Variants in AVEN observed in about 807,000 individuals in gnomAD.
AVEN encodes cell death regulator Aven.
Under a neutral mutation model 38.1 loss-of-function variants are expected in AVEN, and 41 were observed. That is an observed-to-expected ratio of 1.08 (90% CI 0.84 to 1.40). AVEN has a LOEUF of 1.40. Among genes scored for constraint, AVEN ranks in the 40% most tolerant of loss-of-function variants. The pLI, the probability that AVEN is intolerant of heterozygous loss-of-function variation, is 0.00. For missense variants in AVEN, 605 were observed against 438.8 expected (o/e 1.38, Z -3.38); for synonymous variants, 206 against 171.8 (o/e 1.20, Z -1.56).
At chr15:33,989,202 T>C (rs1242627645) in intron 2 of AVEN, among the ~76,000 whole-genome samples, 1 of 152,180 alleles carries the variant, frequency 6.6e-6, no homozygotes, top group East Asian at 1.9e-4. Context: ...CATTTATTTT[T>C]CTAATTACAT....
chr15:34,000,623 T>C (rs1185732641), intron 2 of AVEN, among the ~76,000 whole-genome samples: 1 of 152,216 alleles, frequency 6.6e-6, no homozygotes, highest in Non-Finnish European at 1.5e-5. Flanking sequence ...TATGGTCAGC[T>C]TACCTAGAAA....
chr15:34,034,486 A>T (rs1417647033), intron 1 of AVEN, among the ~76,000 whole-genome samples: 1 of 152,196 alleles, frequency 6.6e-6, no homozygotes, highest in South Asian at 2.1e-4. Flanking sequence ...CAATTTATAA[A>T]AATTGTGTTT....
At chr15:33,930,191 C>G (rs981823327) in intron 2 of AVEN, among the ~76,000 whole-genome samples, 1 of 152,182 alleles carries the variant, frequency 6.6e-6, no homozygotes, top group Non-Finnish European at 1.5e-5. Context: ...CTCCATCCTT[C>G]TGGTCTATTG....
intron 2 of AVEN, among the ~76,000 whole-genome samples, chr15:33,961,783 A>G (rs1330605057): frequency 7.9e-6 from 1 of 126,988 alleles, no homozygotes; most frequent in Non-Finnish European, 1.6e-5. Flanking sequence ...ACTGCACTCC[A>G]GCCTGGGCGA....
chr15:33,852,746 C>G, the AVEN span: 1,576 of 284,302 alleles, frequency 5.5e-3, 24 homozygotes, highest in African/African-American at 0.032. Flanking sequence ...GACTTAGAAA[C>G]ATACAACTGT....
chr15:33,871,606 G>A (rs920227219), intron 3 of AVEN, among the ~76,000 whole-genome samples: 1 of 152,070 alleles, frequency 6.6e-6, no homozygotes, highest in African/African-American at 2.4e-5. Flanking sequence ...GGAAACGGTG[G>A]AGGCTTTTGC....
intron 5 of AVEN, among the ~76,000 whole-genome samples, chr15:34,051,393 AG>A (rs1899920078): frequency 6.6e-6 from 1 of 152,236 alleles, no homozygotes; most frequent in South Asian, 2.1e-4. Context: ...AAAGCTAGAA[AG>A]ATCTCAAGTT....
downstream of AVEN, chr15:33,864,716 T>C (rs1232539657): frequency 9.3e-5 from 17 of 183,410 alleles, no homozygotes; most frequent in Non-Finnish European, 1.1e-5. Context: ...ATTGGCTTTG[T>C]AGGAAAACTT....
upstream of AVEN, among the ~76,000 whole-genome samples, chr15:34,039,627 A>G (rs1220668470): frequency 6.6e-6 from 1 of 152,158 alleles, no homozygotes; most frequent in Admixed American, 6.5e-5. Context: ...GTCTGGTGAG[A>G]GGTGGACTGC....
chr15:34,058,773 A>G (rs192379045), intron 5 of AVEN, among the ~76,000 whole-genome samples: 1 of 152,354 alleles, frequency 6.6e-6, no homozygotes, highest in East Asian at 1.9e-4. Flanking sequence ...GCCTGATTCT[A>G]GAATCACAAA....
chr15:33,859,810 G>C (rs771805578), intron 11 of AVEN: 24 of 1,418,442 alleles, frequency 1.7e-5, no homozygotes, highest in East Asian at 4.9e-5. Flanking sequence ...GACTTAATTG[G>C]TTTATGAAGA....
intron 2 of AVEN, among the ~76,000 whole-genome samples, chr15:33,940,640 C>T (rs1366547981): frequency 1.3e-5 from 2 of 152,126 alleles, no homozygotes; most frequent in Non-Finnish European, 2.9e-5. Context: ...CTCTCGGGTT[C>T]AAGCGATTCT....
chr15:34,049,560 G>A (rs1899853555), intron 5 of AVEN, among the ~76,000 whole-genome samples: 1 of 152,154 alleles, frequency 6.6e-6, no homozygotes, highest in Non-Finnish European at 1.5e-5. Flanking sequence ...ATGACTGATT[G>A]GGGTACCTGA....
intron 2 of AVEN, among the ~76,000 whole-genome samples, chr15:33,967,225 C>T (rs1895423224): frequency 6.6e-6 from 1 of 152,068 alleles, no homozygotes; most frequent in African/African-American, 2.4e-5. Flanking sequence ...CATACATGTT[C>T]ATCTGTCAGT....
chr15:33,991,596 G>A lies in AVEN; in HGVS notation c.445+11436C>T, dbSNP rs569916987. 4 of 151,800 alleles carry A rather than the reference G, an allele frequency of 2.6e-5. No individual in the cohort carries two copies. The East Asian group carries it at 7.7e-4, about 29-fold the overall frequency. 9.4% of individuals were successfully genotyped at this position (151,800 alleles called of 1,614,324 possible). On this transcript the variant is annotated intron_variant, in intron 2 of 5. Coordinates refer to ENST00000306730, the MANE Select transcript of AVEN (RefSeq NM_020371.3). ...AATTTTGGGATGACTTAGATAATGT[G>A]ACCTGTAGAAAGCACCCACATATCC...
intron 2 of AVEN, among the ~76,000 whole-genome samples, chr15:33,982,011 C>T (rs981746445): frequency 6.6e-6 from 1 of 150,660 alleles, no homozygotes; most frequent in South Asian, 2.1e-4. Context: ...CCACCATGCC[C>T]TGCTAATTTT....
chr15:33,961,812 C>CAAAAAA (rs138076873), intron 2 of AVEN, among the ~76,000 whole-genome samples: 2 of 71,964 alleles, frequency 2.8e-5, no homozygotes, highest in African/African-American at 5.8e-5. Context: ...GACTCTGTCT[C>CAAAAAA]AAAAAAAAAA....
At chr15:33,981,202 A>G (rs1273920419) in intron 2 of AVEN, among the ~76,000 whole-genome samples, 1 of 152,198 alleles carries the variant, frequency 6.6e-6, no homozygotes, top group Non-Finnish European at 1.5e-5. Flanking sequence ...TGCCTTATCA[A>G]TTTTCCTAAA....
At chr15:34,038,512 G>T (rs934617628) in intron 1 of AVEN, among the ~76,000 whole-genome samples, 14 of 152,012 alleles carry the variant, frequency 9.2e-5, no homozygotes, top group African/African-American at 3.4e-4. Flanking sequence ...TTCCTAACCC[G>T]GACCCTGGGG....
Sources: allele counts gnomAD v4.1 joint callset (sites outside exome capture counted in the v4.1 genomes callset), GRCh38; gene constraint gnomAD v4.1.1; transcripts MANE v1.5; gene names NCBI Gene and HGNC (gene_info 2026-07-23, HGNC 2026-07-21).